TSHZ2: variants seen among roughly 807,000 people sequenced by gnomAD.
The protein encoded by TSHZ2 is teashirt zinc finger homeobox 2.
TSHZ2 carries 21 observed loss-of-function variants against 74.4 expected under a neutral mutation model. The observed-to-expected ratio is 0.28, with a 90% CI of 0.20 to 0.41. The LOEUF (loss-of-function observed/expected upper bound fraction) is 0.41, where lower values mean the gene tolerates loss of function less well. Ranked by LOEUF, TSHZ2 falls within the 10% of genes least tolerant of loss-of-function variation. The pLI is 1.00. For synonymous variants in TSHZ2, 540 were observed against 515.3 expected, an observed-to-expected ratio of 1.05 and a Z score of -0.65; for missense variants, 1,244 against 1,293.5, an observed-to-expected ratio of 0.96 and a Z score of 0.59.
intron 2 of TSHZ2, among the ~76,000 whole-genome samples, chr20:53,260,363 A>G (rs1990578944): frequency 6.6e-6 from 1 of 152,220 alleles, no homozygotes; most frequent in South Asian, 2.1e-4. Context: ...AGGTCCTACA[A>G]TCTCTGAGCC....
chr20:53,304,508 C>T (rs535033288), intron 2 of TSHZ2, among the ~76,000 whole-genome samples: 1 of 152,080 alleles, frequency 6.6e-6, no homozygotes, highest in Non-Finnish European at 1.5e-5. Flanking sequence ...ACAACAACAG[C>T]AAAAAAAGCA....
intron 2 of TSHZ2, among the ~76,000 whole-genome samples, chr20:53,472,819 G>C (rs989328732): frequency 3.3e-5 from 5 of 151,956 alleles, no homozygotes; most frequent in Admixed American, 6.5e-5. Context: ...GCGAGCCGAA[G>C]CAGGGTGAGG....
intron 1 of TSHZ2, among the ~76,000 whole-genome samples, chr20:53,059,797 T>G (rs986849675): frequency 6.6e-6 from 1 of 152,246 alleles, no homozygotes; most frequent in African/African-American, 2.4e-5. Context: ...CTAAAGCGAC[T>G]GTCTTTCTTC....
chr20:53,140,203 AT>A (rs1384057149), intron 1 of TSHZ2, among the ~76,000 whole-genome samples: 2 of 152,096 alleles, frequency 1.3e-5, no homozygotes, highest in Non-Finnish European at 2.9e-5. Flanking sequence ...AATATATATA[AT>A]ATGATATACT....
At chr20:53,478,684 T>C (rs1455918669) in intron 2 of TSHZ2, among the ~76,000 whole-genome samples, 1 of 143,878 alleles carries the variant, frequency 7.0e-6, no homozygotes, top group Non-Finnish European at 1.5e-5. Flanking sequence ...TAAAAATAAA[T>C]AAATAAATTT....
intron 2 of TSHZ2, among the ~76,000 whole-genome samples, chr20:53,308,602 A>G (rs1479989891): frequency 1.3e-5 from 2 of 152,164 alleles, no homozygotes; most frequent in African/African-American, 4.8e-5. Flanking sequence ...TTTAATGTAT[A>G]AAACTTACAA....
At chr20:52,979,819 T>A (rs979494344) in intron 1 of TSHZ2, among the ~76,000 whole-genome samples, 2 of 152,208 alleles carry the variant, frequency 1.3e-5, no homozygotes, top group Non-Finnish European at 2.9e-5. Context: ...ATTATTAATA[T>A]ATCAGTATTA....
chr20:52,987,434 C>CT (rs1226831548), intron 1 of TSHZ2, among the ~76,000 whole-genome samples: 1 of 151,826 alleles, frequency 6.6e-6, no homozygotes. Flanking sequence ...TATAAGTTCC[C>CT]TTTTTTTATA....
intron 2 of TSHZ2, among the ~76,000 whole-genome samples, chr20:53,434,551 T>C (rs1032183044): frequency 6.6e-6 from 1 of 152,232 alleles, no homozygotes; most frequent in Non-Finnish European, 1.5e-5. Context: ...GAAGGCCACA[T>C]GTAGTCAAGA....
At chr20:53,050,124 T>C (rs12625972) in intron 1 of TSHZ2, among the ~76,000 whole-genome samples, 52,278 of 107,070 alleles carry the variant, frequency 0.49, 12,930 homozygotes, top group East Asian at 0.75. Flanking sequence ...TATATATATA[T>C]ACACATATAT....
chr20:53,107,299 G>A (rs947497124), intron 1 of TSHZ2, among the ~76,000 whole-genome samples: 5 of 152,206 alleles, frequency 3.3e-5, no homozygotes, highest in Non-Finnish European at 7.3e-5. Context: ...CCAGCCATGT[G>A]ATTGGCAAGT....
At chr20:53,060,759 A>G (rs1984795072) in intron 1 of TSHZ2, among the ~76,000 whole-genome samples, 2 of 152,336 alleles carry the variant, frequency 1.3e-5, no homozygotes, top group African/African-American at 4.8e-5. Context: ...AAATATTAAA[A>G]TATCCTTCTA....
chr20:53,457,569 G>T (rs1318736401), intron 2 of TSHZ2, among the ~76,000 whole-genome samples: 4 of 128,580 alleles, frequency 3.1e-5, no homozygotes, highest in African/African-American at 1.2e-4. Context: ...CTGCCTAATT[G>T]CCCTGGCCAG....
At position 53,183,360 on chromosome 20, in the gene TSHZ2, C is replaced by T. The variant is rs567369229; in HGVS notation, c.41-70139C>T. 7.9e-5 allele frequency among the ~76,000 whole-genome samples: 12 copies of T among 152,262 alleles called. No individual in the cohort carries two copies. In the South Asian group the frequency reaches 2.3e-3, roughly 29 times the overall value. ...TTTGGATGTGGCCATCCTCTGCGTCCCTGAGTGAAGATGCTGCTCGGGTCA... is the reference window on the plus strand; with the variant it reads ...TTTGGATGTGGCCATCCTCTGCGTCTCTGAGTGAAGATGCTGCTCGGGTCA... On this transcript the variant is annotated intron_variant, in intron 1 of 2. Transcript: ENST00000371497.
At chr20:53,123,464 A>C (rs1430845720) in intron 1 of TSHZ2, among the ~76,000 whole-genome samples, 1 of 152,238 alleles carries the variant, frequency 6.6e-6, no homozygotes, top group East Asian at 1.9e-4. Context: ...AGCCTCAACT[A>C]TGATGGCTAG....
chr20:53,160,356 C>A (rs937322711), intron 1 of TSHZ2, among the ~76,000 whole-genome samples: 1 of 152,162 alleles, frequency 6.6e-6, no homozygotes, highest in African/African-American at 2.4e-5. Context: ...TATGCCGAGT[C>A]TAATCCCTAG....
At chr20:53,229,032 C>T (rs993111375) in intron 1 of TSHZ2, among the ~76,000 whole-genome samples, 1 of 152,204 alleles carries the variant, frequency 6.6e-6, no homozygotes, top group African/African-American at 2.4e-5. Flanking sequence ...TCAACACACT[C>T]TTTGCACCTT....
At chr20:53,335,256 T>G (rs557917388) in intron 2 of TSHZ2, among the ~76,000 whole-genome samples, 2 of 152,272 alleles carry the variant, frequency 1.3e-5, no homozygotes, top group Admixed American at 6.5e-5. Flanking sequence ...AAGCCTTGAG[T>G]TGGTTCTGAT....
intron 1 of TSHZ2, among the ~76,000 whole-genome samples, chr20:53,035,907 A>T (rs975305383): frequency 2.0e-5 from 3 of 152,208 alleles, no homozygotes; most frequent in African/African-American, 7.2e-5. Context: ...AGACCTATTC[A>T]TAAGTGTATA....
Sources: gnomAD v4.1 joint callset for allele counts (sites outside exome capture counted in the v4.1 genomes callset) on GRCh38, gnomAD v4.1.1 for gene constraint, MANE v1.5 for transcripts, NCBI Gene and HGNC (gene_info 2026-07-23, HGNC 2026-07-21) for gene names.